Variants in PREP observed in about 807,000 individuals in gnomAD.
PREP encodes the protein dJ355L5.1 (prolyl endopeptidase).
In PREP, 29 loss-of-function variants were observed where a neutral mutation model predicts 87.6. The ratio of observed to expected loss-of-function variants is 0.33; its 90% CI spans 0.25 to 0.45. The LOEUF (loss-of-function observed/expected upper bound fraction) is 0.45. Ranked by LOEUF, PREP falls within the 20% of genes least tolerant of loss-of-function variation. The pLI is 1.00. For missense variants in PREP, 695 were observed against 886.5 expected, an observed-to-expected ratio of 0.78 and a Z score of 2.74; for synonymous variants, 337 against 328.6, an observed-to-expected ratio of 1.03 and a Z score of -0.28.
At chr6:105,347,117 A>G (rs1308922879) in intron 7 of PREP, among the ~76,000 whole-genome samples, 2 of 152,268 alleles carry the variant, frequency 1.3e-5, no homozygotes, top group Non-Finnish European at 2.9e-5. Context: ...AAAGCAGGGA[A>G]TAAAGTACCT....
chr6:105,381,398 C>A (rs1192872986), intron 2 of PREP, among the ~76,000 whole-genome samples: 2 of 151,466 alleles, frequency 1.3e-5, no homozygotes, highest in African/African-American at 4.9e-5. Flanking sequence ...ACAGGTATAT[C>A]ATCTTGGTTG....
chr6:105,310,071 A>G (rs1770730784), intron 10 of PREP, among the ~76,000 whole-genome samples: 5 of 152,202 alleles, frequency 3.3e-5, no homozygotes. Context: ...TTTTCTTAGC[A>G]CAGCTGTACA....
intron 14 of PREP, chr6:105,281,321 T>G (rs746266123): frequency 6.5e-6 from 1 of 154,468 alleles, no homozygotes; most frequent in Non-Finnish European, 1.4e-5. Flanking sequence ...GCTGAATCCT[T>G]TACAAGCTTC....
chr6:105,401,796 A>G (rs952434446), intron 1 of PREP, among the ~76,000 whole-genome samples: 1 of 152,248 alleles, frequency 6.6e-6, no homozygotes, highest in African/African-American at 2.4e-5. Flanking sequence ...TTTACTCCGA[A>G]GCGTCAGCAC....
At chr6:105,320,620 C>T (rs1183550108) in intron 10 of PREP, among the ~76,000 whole-genome samples, 1 of 152,174 alleles carries the variant, frequency 6.6e-6, no homozygotes, top group Non-Finnish European at 1.5e-5. Flanking sequence ...GTTGACTAAC[C>T]ATGCACAGTA....
chr6:105,293,712 G>T (rs769333702), intron 10 of PREP, among the ~76,000 whole-genome samples: 1 of 151,820 alleles, frequency 6.6e-6, no homozygotes, highest in Non-Finnish European at 1.5e-5. Context: ...CTATGGACAC[G>T]TGCACACACT....
chr6:105,279,660 G>C (rs1770030995), intron 14 of PREP, among the ~76,000 whole-genome samples: 1 of 152,186 alleles, frequency 6.6e-6, no homozygotes, highest in Non-Finnish European at 1.5e-5. Flanking sequence ...TGGGCTTGAG[G>C]AGCTCCCTGT....
rs1769966835 is a variant in PREP at position 105,277,399 on chromosome 6, A to G, written c.*745T>C. ...AACAAATCAATATACAAATAGGTGA[A>G]TAATCTGAATTTTCCAGCCCAGTGA... On this transcript the variant is annotated 3_prime_UTR_variant, in exon 15 of 15. Coordinates refer to ENST00000652536, the MANE Select transcript of PREP (RefSeq NM_002726.5). Among the ~76,000 whole-genome samples, 1 of 152,206 alleles carries G rather than the reference A, an allele frequency of 6.6e-6. No homozygotes were observed. The highest frequency in any genetic ancestry group is 6.5e-5 in the Admixed American group (1 of 15,284).
chr6:105,315,239 C>T (rs1006348123), intron 10 of PREP, among the ~76,000 whole-genome samples: 1 of 152,178 alleles, frequency 6.6e-6, no homozygotes, highest in African/African-American at 2.4e-5. Context: ...TCATGGCTCA[C>T]TGAAGCCTTG....
intron 8 of PREP, 111 bp downstream of exon 8, chr6:105,333,203 G>A (rs2114658673): frequency 2.0e-6 from 2 of 1,023,870 alleles, no homozygotes; most frequent in Non-Finnish European, 2.9e-6. Context: ...ATGATTACAG[G>A]TTGAAGGTTT....
intron 7 of PREP, among the ~76,000 whole-genome samples, chr6:105,334,570 T>A (rs769798888): frequency 6.6e-6 from 1 of 152,038 alleles, no homozygotes; most frequent in Admixed American, 6.5e-5. Flanking sequence ...AATACAAAAA[T>A]TAGCTGGGCA....
intron 6 of PREP, 111 bp downstream of exon 6, chr6:105,368,792 T>A: frequency 7.8e-7 from 1 of 1,281,894 alleles, no homozygotes; most frequent in South Asian, 1.6e-5. Context: ...CAAAAGAATA[T>A]TCACTCATGG....
chr6:105,375,764 A>G (rs758134151), intron 4 of PREP, among the ~76,000 whole-genome samples: 1 of 152,246 alleles, frequency 6.6e-6, no homozygotes, highest in Non-Finnish European at 1.5e-5. Context: ...TAATCTTTGT[A>G]CAGCTTAAAC....
intron 6 of PREP, among the ~76,000 whole-genome samples, 197 bp downstream of exon 6, chr6:105,368,706 A>C (rs1772458600): frequency 6.6e-6 from 1 of 152,232 alleles, no homozygotes; most frequent in Admixed American, 6.5e-5. Flanking sequence ...TAATATTAAG[A>C]GTAATAGGTT....
chr6:105,386,249 G>A (rs1480924416), intron 2 of PREP, among the ~76,000 whole-genome samples: 4 of 152,222 alleles, frequency 2.6e-5, no homozygotes, highest in African/African-American at 9.7e-5. Flanking sequence ...TGAACAGGCA[G>A]AGGTTCCAAC....
At position 105,276,436 on chromosome 6, in the gene PREP, C is replaced by G. The variant is rs1769932594; in HGVS notation, c.*1708G>C. On this transcript the variant is annotated 3_prime_UTR_variant, in exon 15 of 15. Coordinates refer to ENST00000652536, the MANE Select transcript of PREP (RefSeq NM_002726.5). ...TGAAAATGCTCTGGACTCAGTGGGT[C>G]CAACTCAGCTATTTGTACTTCACAC... 6.6e-6 allele frequency among the ~76,000 whole-genome samples: 1 copy of G among 152,214 alleles called. No individual in the cohort carries two copies. The highest frequency in any genetic ancestry group is 2.4e-5 in the African/African-American group (1 of 41,450).
At chr6:105,315,404 C>T (rs759526799) in intron 10 of PREP, among the ~76,000 whole-genome samples, 4 of 152,096 alleles carry the variant, frequency 2.6e-5, no homozygotes, top group South Asian at 2.1e-4. Context: ...GCTCCTGGCC[C>T]GAGAGTTCCT....
intron 11 of PREP, among the ~76,000 whole-genome samples, chr6:105,286,615 C>G (rs115274336): frequency 5.1e-4 from 78 of 152,174 alleles, no homozygotes; most frequent in African/African-American, 1.8e-3. Context: ...CTTTTAGCAA[C>G]TGGGGAAACC....
At chr6:105,279,653 GCTTGAGGAGCTCC>G (rs1770030797) in intron 14 of PREP, among the ~76,000 whole-genome samples, 1 of 152,202 alleles carries the variant, frequency 6.6e-6, no homozygotes, top group South Asian at 2.1e-4. Flanking sequence ...GGTGTGCTGG[GCTTGAGGAGCTCC>G]CTGTAGGACC....
Sources: gnomAD v4.1 joint callset for allele counts (sites outside exome capture counted in the v4.1 genomes callset) on GRCh38, gnomAD v4.1.1 for gene constraint, MANE v1.5 for transcripts, NCBI Gene and HGNC (gene_info 2026-07-23, HGNC 2026-07-21) for gene names.